The following PCBP3 variants were observed in gnomAD, a reference collection of about 807,000 sequenced individuals.
The protein encoded by PCBP3 is poly(rC)-binding protein 3.
In PCBP3, 25 loss-of-function variants were observed where a neutral mutation model predicts 52.7. That is an observed-to-expected ratio of 0.47 (90% CI 0.35 to 0.66). The LOEUF (loss-of-function observed/expected upper bound fraction) is 0.66. Among genes scored for constraint, PCBP3 ranks in the 30% least tolerant of loss-of-function variants. The pLI, the probability that PCBP3 is intolerant of heterozygous loss-of-function variation, is 0.01. For synonymous variants in PCBP3, 162 were observed against 183.0 expected, an observed-to-expected ratio of 0.89 and a Z score of 0.93; for missense variants, 391 against 490.3, an observed-to-expected ratio of 0.80 and a Z score of 1.91.
intron 1 of PCBP3, among the ~76,000 whole-genome samples, chr21:45,653,282 A>G (rs1408729599): frequency 6.6e-6 from 1 of 152,104 alleles, no homozygotes; most frequent in African/African-American, 2.4e-5. Context: ...CTGCTTTCTT[A>G]CTAGTTTTTT....
rs537648185 is a variant in PCBP3 at position 45,784,420 on chromosome 21, CCCTACCTCCTACCT to C, written c.-126+29012_-126+29025del. 6.2e-3 allele frequency among the ~76,000 whole-genome samples: 778 copies of C among 125,204 alleles called. 11 individuals are homozygous for C. The highest frequency in any genetic ancestry group is 0.011 in the South Asian group (48 of 4,248). 82.1% of individuals were successfully genotyped at this position (125,204 alleles called of 152,430 possible). A position where few individuals can be genotyped will look rare whatever the true frequency, so the allele number is the denominator to read the frequency against. On this transcript the variant is annotated intron_variant, in intron 4 of 17. Transcript: ENST00000681687. The stretch of plus-strand genomic sequence containing the variant: ...CCGCTACCTCTACCGCTACCGCTAC[CCCTACCTCCTACCT>C]CCTACCTCCTACCTCCTACCTCCTA...
At chr21:45,894,960 A>C (rs1256930083) in intron 5 of PCBP3, among the ~76,000 whole-genome samples, 1 of 152,250 alleles carries the variant, frequency 6.6e-6, no homozygotes, top group Non-Finnish European at 1.5e-5. Context: ...TAAAATTACA[A>C]TAATTTTGTG....
intron 4 of PCBP3, among the ~76,000 whole-genome samples, chr21:45,771,729 T>C (rs2089881975): frequency 1.6e-5 from 2 of 128,144 alleles, no homozygotes; most frequent in African/African-American, 5.5e-5. Context: ...TCATCTCTTC[T>C]ATTCAGTATT....
intron 2 of PCBP3, among the ~76,000 whole-genome samples, chr21:45,673,246 A>G (rs2081278698): frequency 6.6e-6 from 1 of 152,102 alleles, no homozygotes; most frequent in Non-Finnish European, 1.5e-5. Context: ...CCCATTTTCT[A>G]CTTCCCTCCG....
At chr21:45,658,343 A>C (rs965686982) in intron 1 of PCBP3, among the ~76,000 whole-genome samples, 2 of 152,040 alleles carry the variant, frequency 1.3e-5, no homozygotes, top group Non-Finnish European at 2.9e-5. Flanking sequence ...TCACTTTGTC[A>C]CCCAGGCTGG....
intron 4 of PCBP3, among the ~76,000 whole-genome samples, chr21:45,808,030 T>C (rs2146948603): frequency 6.6e-6 from 1 of 152,288 alleles, no homozygotes; most frequent in East Asian, 1.9e-4. Flanking sequence ...TCCTTACACC[T>C]TATACAAAAA....
rs779310472 is a variant in PCBP3 at position 45,741,971 on chromosome 21, C to T, written c.-162+6542C>T. Among the ~76,000 whole-genome samples the T allele has an allele frequency of 2.6e-5, 4 of 152,230 alleles. No individual in the cohort carries two copies. The highest frequency in any genetic ancestry group is 4.4e-5 in the Non-Finnish European group (3 of 68,044). On this transcript the variant is annotated intron_variant, in intron 3 of 17. Coordinates refer to ENST00000681687, the MANE Select transcript of PCBP3 (RefSeq NM_001384156.1). The surrounding 1 kb of genome is among the most constrained non-coding windows in gnomAD (Gnocchi z 4.5). Reference sequence around the variant, plus strand: ...GCCTCAGGCATTCAGTACACACTTTCGTGCCCTGCTTTTTAACTGAATAGT... The same window carrying T: ...GCCTCAGGCATTCAGTACACACTTTTGTGCCCTGCTTTTTAACTGAATAGT...
At chr21:45,683,399 AC>A (rs1393834763) in intron 2 of PCBP3, among the ~76,000 whole-genome samples, 1 of 152,228 alleles carries the variant, frequency 6.6e-6, no homozygotes, top group Admixed American at 6.5e-5. Flanking sequence ...ATTAATCTTT[AC>A]GGAGGACTTA....
intron 4 of PCBP3, chr21:45,760,623 G>A (rs1215704311): frequency 6.6e-6 from 1 of 152,068 alleles, no homozygotes; most frequent in East Asian, 1.9e-4. Flanking sequence ...ATGTAATTAA[G>A]TTTAGAGTAA....
In PCBP3 at chr21:45,853,296, G is replaced by A. The variant is rs1192299817; in HGVS notation, c.10+3201G>A. Among the ~76,000 whole-genome samples the A allele has an allele frequency of 6.6e-6, 1 of 152,214 alleles. No individual in the cohort carries two copies. Among genetic ancestry groups the A allele is most frequent in the African/African-American group, 2.4e-5 (1 of 41,462 alleles). On this transcript the variant is annotated intron_variant, in intron 5 of 17. Transcript: ENST00000681687. The surrounding 1 kb of genome is among the most constrained non-coding windows in gnomAD (Gnocchi z 4.6). ...CTAGAAGAGTGAAAACCTAACTGTG[G>A]CAGAAGCCAGATGCCGTGGGTTGGG... is the stretch of plus-strand genomic sequence containing the variant.
rs113686599 is a variant in PCBP3 at position 45,823,477 on chromosome 21, T to C, written c.-125-26484T>C. The stretch of plus-strand genomic sequence containing the variant: ...CCCACCCCAGGCGTGGACTTTCCGC[T>C]GTGCAGATTCCCTTTCATGTCCCGC... On this transcript the variant is annotated intron_variant, in intron 4 of 17. Transcript: ENST00000681687. Among the ~76,000 whole-genome samples the C allele has an allele frequency of 3.9e-5, 6 of 152,342 alleles. 1 individual carries two copies. Among genetic ancestry groups the C allele is most frequent in the African/African-American group, 1.4e-4 (6 of 41,572 alleles).
chr21:45,866,464 C>T (rs1238144573), intron 5 of PCBP3, among the ~76,000 whole-genome samples: 2 of 152,166 alleles, frequency 1.3e-5, no homozygotes, highest in African/African-American at 4.8e-5. Flanking sequence ...AAAATGTGGT[C>T]CTGCTCGCTC....
intron 3 of PCBP3, among the ~76,000 whole-genome samples, chr21:45,743,449 A>G (rs934405906): frequency 2.0e-5 from 3 of 152,138 alleles, no homozygotes; most frequent in Admixed American, 6.5e-5. Flanking sequence ...ATTTCACTAA[A>G]TGTGTTCATT....
In PCBP3 at chr21:45,935,255, C is replaced by T. The variant is rs751390534; in HGVS notation, c.859C>T (p.Leu287=). ...AQNLMGQSSG[L]DASPPASTHE... ...CCATGTCCCCTTGGTATACCCAGGTCTGGACGCCAGCCCACCGGCCAGCAC... is the reference window on the plus strand; with the variant it reads ...CCATGTCCCCTTGGTATACCCAGGTTTGGACGCCAGCCCACCGGCCAGCAC... Residue 287 remains leucine (L), a splice_region_variant and synonymous_variant, in exon 16 of 18, where the codon CTG becomes TTG. Transcript: ENST00000681687. 12 of 1,611,480 alleles carry T rather than the reference C, an allele frequency of 7.4e-6. No homozygotes were observed. In the South Asian group the frequency reaches 1.3e-4, roughly 18 times the overall value.
chr21:45,941,642 C>G lies in PCBP3; in HGVS notation c.1080-28C>G, dbSNP rs756719269. 6 of 1,601,026 alleles carry G rather than the reference C, an allele frequency of 3.7e-6. No homozygotes were observed. In the South Asian group the frequency reaches 5.6e-5, roughly 15 times the overall value. ...ATGAGGGCGTTGGTTGTGACCGTCTCTCCCTCTCCTGCCTTTGTCTGTTCC... is the reference window on the plus strand; with the variant it reads ...ATGAGGGCGTTGGTTGTGACCGTCTGTCCCTCTCCTGCCTTTGTCTGTTCC... On this transcript the variant is annotated intron_variant, in intron 17 of 17. Transcript: ENST00000681687.
chr21:45,813,817 A>G (rs185735461), intron 4 of PCBP3, among the ~76,000 whole-genome samples: 1 of 152,356 alleles, frequency 6.6e-6, no homozygotes, highest in Non-Finnish European at 1.5e-5. Context: ...TGTGTCTGCC[A>G]TCTCTTTATT....
chr21:45,757,853 T>C (rs1336995574), intron 4 of PCBP3, among the ~76,000 whole-genome samples: 2 of 152,026 alleles, frequency 1.3e-5, no homozygotes, highest in African/African-American at 4.8e-5. Flanking sequence ...GGTTTATTTC[T>C]GGATTCTCAA....
In PCBP3 at chr21:45,824,863, C is replaced by T. The variant is rs577259975; in HGVS notation, c.-125-25098C>T. On this transcript the variant is annotated intron_variant, in intron 4 of 17. Coordinates refer to ENST00000681687, the MANE Select transcript of PCBP3 (RefSeq NM_001384156.1). ...GCAGGAAAGCTGGCAGGACATGGGG[C>T]CATTAGAAGAGGTGTGAGACTGTCA... is the stretch of plus-strand genomic sequence containing the variant. Among the ~76,000 whole-genome samples the T allele has an allele frequency of 3.9e-4, 60 of 152,336 alleles. No individual in the cohort carries two copies. The South Asian group carries it at 7.0e-3, about 18-fold the overall frequency.
chr21:45,785,586 G>A (rs1360720285), intron 4 of PCBP3, among the ~76,000 whole-genome samples: 3 of 150,540 alleles, frequency 2.0e-5, no homozygotes, highest in Non-Finnish European at 4.4e-5. Context: ...GCCCCTACTG[G>A]GAAGTGAGGA....
Sources: gnomAD v4.1 joint callset for allele counts (sites outside exome capture counted in the v4.1 genomes callset) on GRCh38, gnomAD v4.1.1 for gene constraint, Gnocchi (gnomAD v3.1) non-coding constraint, MANE v1.5 for transcripts, NCBI Gene and HGNC (gene_info 2026-07-23, HGNC 2026-07-21) for gene names.